Variants in DPY19L2 observed in about 807,000 individuals in gnomAD.
DPY19L2 encodes the protein dpy-19 like 2.
A neutral mutation model predicts 97.9 loss-of-function variants in DPY19L2; 34 were observed. The ratio of observed to expected loss-of-function variants is 0.35; its 90% CI spans 0.26 to 0.46. DPY19L2 has a LOEUF of 0.46. Ranked by LOEUF, DPY19L2 falls within the 20% of genes least tolerant of loss-of-function variation. The pLI is 1.00. For synonymous variants in DPY19L2, 230 were observed against 307.9 expected, an observed-to-expected ratio of 0.75 and a Z score of 2.65; for missense variants, 623 against 911.4, an observed-to-expected ratio of 0.68 and a Z score of 4.07.
chr12:63,596,544 T>G (rs1884278083), intron 14 of DPY19L2, among the ~76,000 whole-genome samples: 1 of 152,160 alleles, frequency 6.6e-6, no homozygotes, highest in South Asian at 2.1e-4. Flanking sequence ...TGTAACTAAA[T>G]TATACATTTC....
At chr12:63,641,017 C>T (rs1369270588) in intron 6 of DPY19L2, among the ~76,000 whole-genome samples, 2 of 152,010 alleles carry the variant, frequency 1.3e-5, no homozygotes, top group Non-Finnish European at 2.9e-5. Context: ...CTCAGCCTCC[C>T]GAGTAGCTGG....
At chr12:63,586,287 G>C (rs955129342) in intron 16 of DPY19L2, among the ~76,000 whole-genome samples, 1 of 152,046 alleles carries the variant, frequency 6.6e-6, no homozygotes, top group African/African-American at 2.4e-5. Context: ...CATTTTTTCA[G>C]GTAAGAAAGC....
chr12:63,649,238 A>G (rs868594599), intron 4 of DPY19L2, among the ~76,000 whole-genome samples: 6 of 152,306 alleles, frequency 3.9e-5, no homozygotes, highest in Non-Finnish European at 8.8e-5. Context: ...AAAGATCTCA[A>G]ATTAACAACC....
intron 11 of DPY19L2, among the ~76,000 whole-genome samples, chr12:63,610,340 A>C (rs544184950): frequency 6.6e-6 from 1 of 151,784 alleles, no homozygotes; most frequent in South Asian, 2.1e-4. Context: ...CCTCATTGAA[A>C]CATGGTAATG....
chr12:63,591,289 C>A (rs2137455979), intron 16 of DPY19L2, among the ~76,000 whole-genome samples: 1 of 152,146 alleles, frequency 6.6e-6, no homozygotes, highest in South Asian at 2.1e-4. Flanking sequence ...CTACTGTCTT[C>A]ACAATTTTTC....
At chr12:63,600,700 G>A (rs1418753194) in intron 12 of DPY19L2, among the ~76,000 whole-genome samples, 4 of 145,826 alleles carry the variant, frequency 2.7e-5, no homozygotes, top group Non-Finnish European at 6.0e-5. Flanking sequence ...CCCGTACAGA[G>A]ACAGAGGAAG....
intron 4 of DPY19L2, among the ~76,000 whole-genome samples, chr12:63,654,718 G>A (rs1894733629): frequency 6.6e-6 from 1 of 152,128 alleles, no homozygotes; most frequent in African/African-American, 2.4e-5. Flanking sequence ...TTCAGAGCAA[G>A]CAAAATTATC....
intron 4 of DPY19L2, among the ~76,000 whole-genome samples, chr12:63,652,236 C>T (rs1894352137): frequency 6.6e-6 from 1 of 152,044 alleles, no homozygotes; most frequent in Non-Finnish European, 1.5e-5. Context: ...CACACTAACC[C>T]AATCGGAATG....
intron 9 of DPY19L2, among the ~76,000 whole-genome samples, chr12:63,619,428 C>A (rs1888328740): frequency 1.3e-5 from 2 of 151,944 alleles, no homozygotes; most frequent in Non-Finnish European, 2.9e-5. Context: ...CACATACAAA[C>A]AAAACTATAT....
At chr12:63,610,700 A>C (rs1886794691) in intron 11 of DPY19L2, among the ~76,000 whole-genome samples, 1 of 151,222 alleles carries the variant, frequency 6.6e-6, no homozygotes, top group Non-Finnish European at 1.5e-5. Flanking sequence ...ATAAGAATTC[A>C]CACCAATCCT....
At chr12:63,625,498 T>G (rs1889380029) in intron 7 of DPY19L2, among the ~76,000 whole-genome samples, 1 of 152,176 alleles carries the variant, frequency 6.6e-6, no homozygotes, top group South Asian at 2.1e-4. Flanking sequence ...TCTTTTTCAA[T>G]GCCATATCCT....
At chr12:63,585,507 C>T (rs533095238) in intron 16 of DPY19L2, among the ~76,000 whole-genome samples, 1 of 152,044 alleles carries the variant, frequency 6.6e-6, no homozygotes, top group South Asian at 2.1e-4. Context: ...ATTCTGTCTC[C>T]CTCATAGCTC....
chr12:63,638,314 T>A (rs1892104389), intron 6 of DPY19L2, among the ~76,000 whole-genome samples: 2 of 152,226 alleles, frequency 1.3e-5, no homozygotes, highest in Middle Eastern at 3.4e-3. Context: ...AGGGTTGCCC[T>A]CTCTCACCAC....
intron 6 of DPY19L2, among the ~76,000 whole-genome samples, chr12:63,634,683 G>C (rs1273439575): frequency 6.6e-6 from 1 of 152,146 alleles, no homozygotes; most frequent in Non-Finnish European, 1.5e-5. Flanking sequence ...CTCACTCACT[G>C]CTAGCACAGC....
At chr12:63,593,823 A>T (rs1403276048) in intron 16 of DPY19L2, among the ~76,000 whole-genome samples, 1 of 152,156 alleles carries the variant, frequency 6.6e-6, no homozygotes, top group East Asian at 1.9e-4. Context: ...TCTTTAGCTT[A>T]CTGACTTTAA....
At chr12:63,561,974 T>C (rs1876620380) in intron 21 of DPY19L2, among the ~76,000 whole-genome samples, 1 of 152,218 alleles carries the variant, frequency 6.6e-6, no homozygotes. Context: ...TGGTTATGGA[T>C]GATTCAAAAT....
intron 19 of DPY19L2, among the ~76,000 whole-genome samples, chr12:63,577,504 A>G (rs374639940): frequency 5.9e-5 from 9 of 152,300 alleles, no homozygotes; most frequent in African/African-American, 1.9e-4. Flanking sequence ...GAGACAACCC[A>G]AAGAATAAGC....
chr12:63,649,732 C>A (rs1241955774), intron 4 of DPY19L2, among the ~76,000 whole-genome samples: 1 of 152,128 alleles, frequency 6.6e-6, no homozygotes, highest in Non-Finnish European at 1.5e-5. Context: ...ACTTCACAGC[C>A]AAATTCTACC....
intron 10 of DPY19L2, among the ~76,000 whole-genome samples, chr12:63,617,901 GTAATAA>G (rs1437197971): frequency 2.6e-5 from 4 of 151,972 alleles, no homozygotes; most frequent in Non-Finnish European, 5.9e-5. Flanking sequence ...TTTAAAAGTA[GTAATAA>G]TAATAAGTAA....
Sources: gnomAD v4.1 joint callset for allele counts (sites outside exome capture counted in the v4.1 genomes callset) on GRCh38, gnomAD v4.1.1 for gene constraint, MANE v1.5 for transcripts, NCBI Gene and HGNC (gene_info 2026-07-23, HGNC 2026-07-21) for gene names.